Variants in SPHKAP observed in about 807,000 individuals in gnomAD.
SPHKAP encodes A-kinase anchor protein SPHKAP.
A neutral mutation model predicts 137.5 loss-of-function variants in SPHKAP; 67 were observed. The ratio of observed to expected loss-of-function variants is 0.49; its 90% CI spans 0.40 to 0.60. SPHKAP has a LOEUF of 0.60. SPHKAP is among the 20% of genes least tolerant of loss of function. SPHKAP has a pLI of 0.00. For synonymous variants in SPHKAP, 813 were observed against 785.3 expected (o/e 1.04, Z -0.59); for missense variants, 2,097 against 2,069.3 (o/e 1.01, Z -0.26).
In SPHKAP at chr2:228,151,337, T is replaced by C. The variant is rs543478078; in HGVS notation, c.33-19252A>G. ...TTTTCTTAATCCAGTCTATCATTGT[T>C]GGACATTTGGGTTGGTTCCAAGTCT... is the stretch of plus-strand genomic sequence containing the variant. On this transcript the variant is annotated intron_variant, in intron 1 of 11. Coordinates refer to ENST00000392056, the MANE Select transcript of SPHKAP (RefSeq NM_001142644.2). Among the ~76,000 whole-genome samples, 514 of 151,884 alleles carry C rather than the reference T, an allele frequency of 3.4e-3. 4 individuals carry two copies. Among genetic ancestry groups the C allele is most frequent in the African/African-American group, 0.012 (500 of 41,456 alleles).
intron 2 of SPHKAP, among the ~76,000 whole-genome samples, chr2:228,116,396 C>T (rs1698711620): frequency 1.3e-5 from 2 of 152,108 alleles, no homozygotes; most frequent in Non-Finnish European, 2.9e-5. Flanking sequence ...TTCTTTGAGA[C>T]TCAGTTTTCC....
chr2:228,168,801 G>C (rs953910314), intron 1 of SPHKAP, among the ~76,000 whole-genome samples: 2 of 152,124 alleles, frequency 1.3e-5, no homozygotes, highest in Non-Finnish European at 2.9e-5. Flanking sequence ...TGAAAGCTGA[G>C]ACAGGCCAAA....
At chr2:228,154,506 C>CTATA (rs1397617929) in intron 1 of SPHKAP, among the ~76,000 whole-genome samples, 317 of 29,810 alleles carry the variant, frequency 0.011, no homozygotes, top group Middle Eastern at 0.025. Flanking sequence ...CTCTCTCTCT[C>CTATA]TCTCTCTATA....
chr2:228,044,712 T>C (rs895102960), intron 3 of SPHKAP, among the ~76,000 whole-genome samples: 1 of 152,176 alleles, frequency 6.6e-6, no homozygotes, highest in African/African-American at 2.4e-5. Context: ...AGGGAACATC[T>C]ATTACAGTGA....
intron 3 of SPHKAP, among the ~76,000 whole-genome samples, chr2:228,051,168 T>C (rs1265261455): frequency 6.6e-6 from 1 of 152,180 alleles, no homozygotes; most frequent in African/African-American, 2.4e-5. Flanking sequence ...CAAATGAATA[T>C]TTAGTGTTTG....
At position 227,997,460 on chromosome 2, in the gene SPHKAP, C is replaced by A. The variant is rs372085605; in HGVS notation, c.4449-1766G>T. Among the ~76,000 whole-genome samples the A allele has an allele frequency of 1.8e-4, 28 of 152,140 alleles. 1 individual carries two copies. In the East Asian group the frequency reaches 4.0e-3, roughly 22 times the overall value. Reference sequence around the variant, plus strand: ...ACATCTCATAAAGGTTTTTGGAAGACATAAATTAGAAAAAAAATCATTTAA... The same window carrying A: ...ACATCTCATAAAGGTTTTTGGAAGAAATAAATTAGAAAAAAAATCATTTAA... On this transcript the variant is annotated intron_variant, in intron 7 of 11. Transcript: ENST00000392056.
intron 1 of SPHKAP, among the ~76,000 whole-genome samples, chr2:228,167,764 G>T (rs978767504): frequency 2.6e-5 from 4 of 152,038 alleles, no homozygotes; most frequent in African/African-American, 9.7e-5. Flanking sequence ...AGGACAAAAA[G>T]AAATAAGGTA....
At chr2:228,165,047 AG>A (rs1700384874) in intron 1 of SPHKAP, among the ~76,000 whole-genome samples, 1 of 152,194 alleles carries the variant, frequency 6.6e-6, no homozygotes, top group Non-Finnish European at 1.5e-5. Flanking sequence ...GATCAATATT[AG>A]TACTGAATAA....
At chr2:228,033,010 C>T (rs1437768798) in intron 3 of SPHKAP, among the ~76,000 whole-genome samples, 2 of 152,032 alleles carry the variant, frequency 1.3e-5, no homozygotes, top group Non-Finnish European at 2.9e-5. Context: ...GATGACAGGA[C>T]CATATACACA....
intron 7 of SPHKAP, among the ~76,000 whole-genome samples, chr2:228,008,232 C>T (rs911855264): frequency 6.6e-6 from 1 of 151,016 alleles, no homozygotes; most frequent in African/African-American, 2.4e-5. Flanking sequence ...TTTGGTGTAT[C>T]AAAAATGTCA....
intron 1 of SPHKAP, among the ~76,000 whole-genome samples, chr2:228,168,370 G>C (rs913700281): frequency 6.6e-6 from 1 of 152,106 alleles, no homozygotes; most frequent in African/African-American, 2.4e-5. Flanking sequence ...TGTGCATCCA[G>C]TAATCCTATT....
At chr2:227,984,188 T>C (rs1693119461) in intron 11 of SPHKAP, among the ~76,000 whole-genome samples, 2 of 151,258 alleles carry the variant, frequency 1.3e-5, no homozygotes, top group East Asian at 2.0e-4. Flanking sequence ...TAATCACAGC[T>C]ACTCAGGAGG....
At chr2:228,001,246 T>TAC (rs1187251119) in intron 7 of SPHKAP, among the ~76,000 whole-genome samples, 20 of 127,036 alleles carry the variant, frequency 1.6e-4, no homozygotes, top group African/African-American at 5.9e-4. Flanking sequence ...TATATATATA[T>TAC]ATACACACAC....
Position 228,018,766 on chromosome 2 carries a change from C to A in SPHKAP, c.2088G>T (p.Arg696Ser). The part of the protein sequence containing the change: ...KNMIIDPNDN[R>S]HSSEILDTLM... ...AGGTGTCCAGAATTTCAGATGAATG[C>A]CTGTTGTCATTGGGGTCGATTATCA... is the stretch of plus-strand genomic sequence containing the variant. Residue 696 changes from arginine to serine, a missense_variant, in exon 7 of 12, where the codon AGG becomes AGT. Coordinates refer to ENST00000392056, the MANE Select transcript of SPHKAP (RefSeq NM_001142644.2). 6.2e-7 allele frequency: 1 copy of A among 1,614,146 alleles called. No homozygotes were observed.
At chr2:228,033,709 C>A (rs1389390100) in intron 3 of SPHKAP, among the ~76,000 whole-genome samples, 1 of 152,178 alleles carries the variant, frequency 6.6e-6, no homozygotes, top group Non-Finnish European at 1.5e-5. Context: ...TAAACTAGAA[C>A]TCAGGACTAA....
chr2:228,093,691 C>T (rs1181828048), intron 3 of SPHKAP, among the ~76,000 whole-genome samples: 1 of 150,172 alleles, frequency 6.7e-6, no homozygotes, highest in African/African-American at 2.5e-5. Context: ...AACCCAGTCT[C>T]TACTAAAAAT....
chr2:228,041,267 C>CTAAT (rs1430068437), intron 3 of SPHKAP, among the ~76,000 whole-genome samples: 2 of 152,070 alleles, frequency 1.3e-5, no homozygotes, highest in Non-Finnish European at 2.9e-5. Flanking sequence ...ATTCCAGGCA[C>CTAAT]TAATTTTTTT....
intron 7 of SPHKAP, among the ~76,000 whole-genome samples, chr2:228,014,884 A>C (rs906269565): frequency 6.6e-6 from 1 of 152,116 alleles, no homozygotes; most frequent in Admixed American, 6.6e-5. Flanking sequence ...CCAGTAGCTT[A>C]ATTTTTTATT....
rs114946219 is a variant in SPHKAP, at chr2:227,993,987, T to C, written c.4635-367A>G. On this transcript the variant is annotated intron_variant, in intron 8 of 11. Transcript: ENST00000392056. Reference sequence around the variant, plus strand: ...ATTTATCTATCGGCAAGAGATTTCTTGCTGCTGGGGACACCTGCAGAGATG... The same window carrying C: ...ATTTATCTATCGGCAAGAGATTTCTCGCTGCTGGGGACACCTGCAGAGATG... The C allele has an allele frequency of 1.3e-3, 1,208 of 931,864 alleles. 8 individuals are homozygous for C. In the African/African-American group the frequency reaches 0.016, roughly 13 times the overall value. 57.7% of individuals were successfully genotyped at this position (931,864 alleles called of 1,614,324 possible).
Sources: allele counts gnomAD v4.1 joint callset (sites outside exome capture counted in the v4.1 genomes callset), GRCh38; gene constraint gnomAD v4.1.1; transcripts MANE v1.5; gene names NCBI Gene and HGNC (gene_info 2026-07-23, HGNC 2026-07-21).